EFCAB5: variants seen among roughly 807,000 people sequenced by gnomAD.
EFCAB5 encodes EF-hand calcium binding domain 5.
A neutral mutation model predicts 167.9 loss-of-function variants in EFCAB5; 131 were observed. The observed-to-expected ratio is 0.78, with a 90% CI of 0.68 to 0.90. The LOEUF is 0.90. Among genes scored for constraint, EFCAB5 ranks in the 40% least tolerant of loss-of-function variants. EFCAB5 has a pLI of 0.00. For missense variants in EFCAB5, 1,663 were observed against 1,745.2 expected (o/e 0.95, Z 0.84); for synonymous variants, 574 against 602.8 (o/e 0.95, Z 0.70).
At position 29,967,702 on chromosome 17, in the gene EFCAB5, T is replaced by C. The variant is rs137992193; in HGVS notation, c.191-1089T>C. ...AACATACACACAACTTTTCCTGTCA[T>C]TGCTAGAGATTTTGGTAGGGGAGGG... On this transcript the variant is annotated intron_variant, in intron 3 of 22. Coordinates refer to ENST00000394835, the MANE Select transcript of EFCAB5 (RefSeq NM_198529.4). Among the ~76,000 whole-genome samples, 60 of 152,266 alleles carry C rather than the reference T, an allele frequency of 3.9e-4. 1 individual carries two copies. Among genetic ancestry groups the C allele is most frequent in the African/African-American group, 1.4e-3 (59 of 41,534 alleles).
At chr17:30,003,206 T>C (rs2068701759) in intron 7 of EFCAB5, among the ~76,000 whole-genome samples, 1 of 151,844 alleles carries the variant, frequency 6.6e-6, no homozygotes, top group African/African-American at 2.4e-5. Context: ...GCTAAGCCCA[T>C]ACCTTGAGCT....
intron 19 of EFCAB5, 32 bp downstream of exon 19, chr17:30,087,198 A>G (rs2071106366): frequency 7.6e-6 from 12 of 1,573,866 alleles, no homozygotes; most frequent in Non-Finnish European, 1.0e-5. Flanking sequence ...TTTGACTGCT[A>G]GAACACATCC....
chr17:29,974,448 T>A lies in EFCAB5; in HGVS notation c.767+5081T>A, dbSNP rs550460545. On this transcript the variant is annotated intron_variant, in intron 4 of 22. Coordinates refer to ENST00000394835, the MANE Select transcript of EFCAB5 (RefSeq NM_198529.4). ...CTGCCAGTTACTCCAGAGGCTGAGG[T>A]GGGAGGATCACTTGAGCCTGGGAGA... Among the ~76,000 whole-genome samples the A allele has an allele frequency of 4.6e-5, 7 of 151,082 alleles. No homozygotes were observed. The South Asian group carries it at 1.5e-3, about 32-fold the overall frequency.
intron 1 of EFCAB5, among the ~76,000 whole-genome samples, chr17:29,936,558 T>C (rs949398558): frequency 1.6e-4 from 24 of 152,180 alleles, no homozygotes; most frequent in African/African-American, 5.3e-4. Flanking sequence ...TAGCACAGTA[T>C]AACAAAGCCA....
At chr17:30,059,292 G>T in intron 13 of EFCAB5, 1 of 287,270 alleles carries the variant, frequency 3.5e-6, no homozygotes, top group Non-Finnish European at 6.4e-6. Context: ...TAAGACTGAG[G>T]TCTCACTGTG....
chr17:29,954,893 G>A (rs373597150), intron 3 of EFCAB5, among the ~76,000 whole-genome samples: 3 of 152,302 alleles, frequency 2.0e-5, no homozygotes, highest in East Asian at 3.9e-4. Context: ...GTGTGACCTG[G>A]ATGTGAGACA....
At chr17:30,101,637 T>C (rs1208541575) in intron 22 of EFCAB5, among the ~76,000 whole-genome samples, 1 of 152,144 alleles carries the variant, frequency 6.6e-6, no homozygotes, top group Non-Finnish European at 1.5e-5. Flanking sequence ...GAATAGATGA[T>C]TGGCAAAGAG....
intron 7 of EFCAB5, among the ~76,000 whole-genome samples, chr17:30,030,471 G>A (rs1388686188): frequency 6.6e-6 from 1 of 152,046 alleles, no homozygotes; most frequent in Non-Finnish European, 1.5e-5. Context: ...AGCCTCCTAA[G>A]TAGCTGGGAT....
At chr17:29,960,750 CT>C (rs1040320788) in intron 3 of EFCAB5, among the ~76,000 whole-genome samples, 2 of 152,162 alleles carry the variant, frequency 1.3e-5, no homozygotes, top group African/African-American at 4.8e-5. Context: ...GTGCAAGTAT[CT>C]GGGCCCCTGC....
intron 13 of EFCAB5, chr17:30,059,306 C>T (rs1304935525): frequency 9.4e-6 from 3 of 320,442 alleles, no homozygotes; most frequent in Non-Finnish European, 1.7e-5. Flanking sequence ...CACTGTGTTG[C>T]TCAGGCTGGT....
In EFCAB5 at chr17:30,059,534, T is replaced by A. The variant is rs1567749683; in HGVS notation, c.2581-11T>A. 6.3e-7 allele frequency: 1 copy of A among 1,597,518 alleles called. No individual in the cohort carries two copies. The highest frequency in any genetic ancestry group is 8.5e-7 in the Non-Finnish European group (1 of 1,171,824). On this transcript the variant is annotated splice_polypyrimidine_tract_variant and intron_variant, in intron 13 of 22. Transcript: ENST00000394835. ...TATCTTCCGTGCTTTATTATCCTGTTTGTATCCTAGTTTAGCCAAAATGCT... is the reference window on the plus strand; with the variant it reads ...TATCTTCCGTGCTTTATTATCCTGTATGTATCCTAGTTTAGCCAAAATGCT...
intron 3 of EFCAB5, among the ~76,000 whole-genome samples, chr17:29,967,455 T>G (rs978211832): frequency 7.2e-5 from 11 of 152,228 alleles, no homozygotes; most frequent in Non-Finnish European, 1.3e-4. Context: ...CACAAAAAGG[T>G]CAGTCTTTCT....
chr17:30,064,356 G>A (rs956014490), intron 14 of EFCAB5, among the ~76,000 whole-genome samples: 2 of 152,066 alleles, frequency 1.3e-5, no homozygotes, highest in African/African-American at 4.8e-5. Flanking sequence ...TGCAGCTGAA[G>A]AATTCAATGA....
chr17:29,997,310 C>T (rs531869528), intron 6 of EFCAB5, among the ~76,000 whole-genome samples: 7 of 151,392 alleles, frequency 4.6e-5, no homozygotes, highest in African/African-American at 9.7e-5. Flanking sequence ...TGCTTTGTTA[C>T]GACTTCGCTA....
At chr17:29,996,443 T>A (rs1027769633) in intron 6 of EFCAB5, 83 bp downstream of exon 6, 2 of 1,182,148 alleles carry the variant, frequency 1.7e-6, no homozygotes, top group African/African-American at 1.5e-5. Flanking sequence ...AGAGTCAACA[T>A]GAGACAGATG....
At chr17:29,930,141 C>T (rs2067162803) in intron 1 of EFCAB5, 5 of 747,060 alleles carry the variant, frequency 6.7e-6, no homozygotes, top group Non-Finnish European at 8.6e-6. Flanking sequence ...CGGGAACGGC[C>T]GCAGACTCCG....
rs866271209 is a variant in EFCAB5 at position 30,094,526 on chromosome 17, A to T, written c.4321+1590A>T. On this transcript the variant is annotated intron_variant, in intron 22 of 22. Transcript: ENST00000394835. Reference sequence around the variant, plus strand: ...TCTCTCCAAAAAAAAAAAAAAAAAAAAAAAAAAATAACTGGGTGTGGTGGT... The same window carrying T: ...TCTCTCCAAAAAAAAAAAAAAAAAATAAAAAAAATAACTGGGTGTGGTGGT... 8.0e-4 allele frequency among the ~76,000 whole-genome samples: 120 copies of T among 150,364 alleles called. 1 individual carries two copies. The highest frequency in any genetic ancestry group is 3.4e-3 in the Middle Eastern group (1 of 292).
chr17:30,088,437 T>C (rs995296814), intron 19 of EFCAB5, among the ~76,000 whole-genome samples: 2 of 152,232 alleles, frequency 1.3e-5, no homozygotes, highest in African/African-American at 2.4e-5. Context: ...CTTGTAAATA[T>C]GGAATTCAAC....
At chr17:30,088,588 T>A (rs751982889) in intron 19 of EFCAB5, among the ~76,000 whole-genome samples, 1 of 152,206 alleles carries the variant, frequency 6.6e-6, no homozygotes, top group Admixed American at 6.5e-5. Flanking sequence ...TTGTATTTAA[T>A]AAGTACTCGG....
Sources: gnomAD v4.1 joint callset for allele counts (sites outside exome capture counted in the v4.1 genomes callset) on GRCh38, gnomAD v4.1.1 for gene constraint, MANE v1.5 for transcripts, NCBI Gene and HGNC (gene_info 2026-07-23, HGNC 2026-07-21) for gene names.